AMZ1: variants seen among roughly 807,000 people sequenced by gnomAD.
The protein encoded by AMZ1 is archaemetzincin-1.
AMZ1 carries 39 observed loss-of-function variants against 29.9 expected under a neutral mutation model. That is an observed-to-expected ratio of 1.30 (90% CI 1.01 to 1.70). The LOEUF (loss-of-function observed/expected upper bound fraction) is 1.70, where lower values mean the gene tolerates loss of function less well. AMZ1 is among the 40% of genes most tolerant of loss of function. AMZ1 has a pLI of 0.00. For synonymous variants in AMZ1, 458 were observed against 304.0 expected (o/e 1.51, Z -5.27); for missense variants, 1,041 against 680.6 (o/e 1.53, Z -5.89).
In AMZ1 at chr7:2,698,129, G is replaced by C. The variant is rs117766461; in HGVS notation, c.-218-2105G>C. ...GGAGTTAGTGGGCCAGGCGTGGTAC[G>C]TATGCCCATGTTGCCACTACTCAGG... On this transcript the variant is annotated intron_variant, in intron 1 of 6. Transcript: ENST00000683327. Among the ~76,000 whole-genome samples the C allele has an allele frequency of 5.5e-4, 84 of 152,292 alleles. No homozygotes were observed. The East Asian group carries it at 0.013, about 24-fold the overall frequency.
upstream of AMZ1, among the ~76,000 whole-genome samples, chr7:2,761,102 G>A (rs142881495): frequency 1.4e-3 from 216 of 152,342 alleles, 1 homozygote; most frequent in African/African-American, 5.0e-3. Context: ...TTTCCTACAC[G>A]TCTGGCTCTC....
At chr7:2,692,214 C>T (rs894144042) in intron 1 of AMZ1, among the ~76,000 whole-genome samples, 1 of 152,184 alleles carries the variant, frequency 6.6e-6, no homozygotes, top group African/African-American at 2.4e-5. Context: ...GGACCACACC[C>T]ATCTCACAGG....
intron 1 of AMZ1, among the ~76,000 whole-genome samples, chr7:2,696,846 A>G (rs1462844671): frequency 3.3e-5 from 5 of 152,132 alleles, no homozygotes; most frequent in African/African-American, 1.2e-4. Flanking sequence ...AGATCGTGCT[A>G]CTGCACTCCA....
At chr7:2,684,819 G>A (rs1158396521), upstream of AMZ1, among the ~76,000 whole-genome samples, 1 of 152,034 alleles carries the variant, frequency 6.6e-6, no homozygotes, top group Non-Finnish European at 1.5e-5. Context: ...AGTCTCCCGG[G>A]CTGACCCAAC....
chr7:2,757,597 C>T (rs537898237), intron 4 of AMZ1, among the ~76,000 whole-genome samples: 8 of 152,170 alleles, frequency 5.3e-5, no homozygotes, highest in Non-Finnish European at 1.2e-4. Flanking sequence ...GAGCACGTGG[C>T]GAACTCTGGA....
At chr7:2,741,067 A>G (rs998702782) in intron 4 of AMZ1, among the ~76,000 whole-genome samples, 80 of 152,148 alleles carry the variant, frequency 5.3e-4, no homozygotes, top group Middle Eastern at 6.8e-3. Flanking sequence ...CAAACAAACA[A>G]ACAAATAATC....
At chr7:2,693,744 A>G (rs1399316553) in intron 1 of AMZ1, among the ~76,000 whole-genome samples, 1 of 152,042 alleles carries the variant, frequency 6.6e-6, no homozygotes, top group African/African-American at 2.4e-5. Flanking sequence ...TTTAGTAGAG[A>G]CAGGGTTTCA....
chr7:2,707,814 A>T (rs992337377), intron 3 of AMZ1, among the ~76,000 whole-genome samples: 10 of 116,056 alleles, frequency 8.6e-5, no homozygotes, highest in South Asian at 3.0e-4. Context: ...GCCTCTAACG[A>T]GGGCTTTTTT....
At chr7:2,702,391 T>C in intron 2 of AMZ1, 1 of 308,722 alleles carries the variant, frequency 3.2e-6, no homozygotes, top group Non-Finnish European at 5.9e-6. Flanking sequence ...CGGCTCTGTG[T>C]GCTGCCTGCT....
At chr7:2,712,222 G>A in intron 6 of AMZ1, 108 bp from the exon 7 acceptor site, 1 of 1,217,748 alleles carries the variant, frequency 8.2e-7, no homozygotes, top group Non-Finnish European at 1.1e-6. Context: ...CCCGCCCCTG[G>A]GTAACTGAGG....
At position 2,718,392 on chromosome 7, in the gene AMZ1, C is replaced by A. The variant is rs1015659393; in HGVS notation, c.*5514C>A. 6.6e-6 allele frequency among the ~76,000 whole-genome samples: 1 copy of A among 152,200 alleles called. No individual in the cohort carries two copies. The highest frequency in any genetic ancestry group is 1.5e-5 in the Non-Finnish European group (1 of 68,032). ...AACACGTCTTTCTCGAGTCCAAGAC[C>A]ATCTCCCGTTCAAGGGCCCTCACCG... On this transcript the variant is annotated 3_prime_UTR_variant, in exon 7 of 7. Coordinates refer to ENST00000683327, the MANE Select transcript of AMZ1 (RefSeq NM_001384743.1).
intron 4 of AMZ1, among the ~76,000 whole-genome samples, chr7:2,743,197 C>A (rs1241297464): frequency 2.6e-5 from 4 of 152,308 alleles, no homozygotes; most frequent in East Asian, 1.9e-4. Context: ...TGGGGGCAAA[C>A]TGAAAGGGGT....
intron 6 of AMZ1, among the ~76,000 whole-genome samples, chr7:2,711,708 C>T (rs893722647): frequency 6.6e-6 from 1 of 152,128 alleles, no homozygotes; most frequent in Non-Finnish European, 1.5e-5. Context: ...CGTGAGCCAC[C>T]ATGCCCACAC....
chr7:2,715,526 CTGTGATG>C lies in AMZ1; in HGVS notation c.*2653_*2659del, dbSNP rs1435883434. ...TGTACCCGTGTCCTTTGACCCTCAG[CTGTGATG>C]TGTGTCCCAAAAAAGCGTTTTGAAG... On this transcript the variant is annotated 3_prime_UTR_variant, in exon 7 of 7. Coordinates refer to ENST00000683327, the MANE Select transcript of AMZ1 (RefSeq NM_001384743.1). 2 of 152,188 alleles carry C rather than the reference CTGTGATG, an allele frequency of 1.3e-5. No individual in the cohort carries two copies. The highest frequency in any genetic ancestry group is 2.9e-5 in the Non-Finnish European group (2 of 68,044). The allele number at this position is 152,188 out of a possible 1,614,324, so 9.4% of individuals were successfully genotyped here.
chr7:2,731,557 T>C lies in AMZ1; in HGVS notation n.550+21741T>C. 6.2e-7 allele frequency: 1 copy of C among 1,611,130 alleles called. No homozygotes were observed. The highest frequency in any genetic ancestry group is 8.5e-7 in the Non-Finnish European group (1 of 1,177,788). On this transcript the variant is annotated intron_variant and non_coding_transcript_variant, in intron 4 of 4. Coordinates refer to the AMZ1 transcript ENST00000489665. The surrounding 1 kb of genome is among the most constrained non-coding windows in gnomAD (Gnocchi z 6.0). ...CCTGTCCTCCATGAGGACCTGGTCG[T>C]ACTCGCTGGAGGAGACCATGAACAG... is the stretch of plus-strand genomic sequence containing the variant.
rs200712714 is a variant in AMZ1, at chr7:2,709,696, C to T, written c.828C>T (p.Arg276=). 2 of 1,610,984 alleles carry T rather than the reference C, an allele frequency of 1.2e-6. No homozygotes were observed. Among genetic ancestry groups the T allele is most frequent in the Non-Finnish European group, 1.7e-6 (2 of 1,179,788 alleles). ...LLGLGNCRWL[R]CLMQGALSLD... ...GCCTGGGGAACTGCCGCTGGCTCCG[C>T]TGCCTCATGCAGGGTGCGCTCAGCC... is the stretch of plus-strand genomic sequence containing the variant. Residue 276 remains arginine, a synonymous_variant, in exon 6 of 7, where the codon CGC becomes CGT. Coordinates refer to ENST00000683327, the MANE Select transcript of AMZ1 (RefSeq NM_001384743.1).
At chr7:2,685,539 AAC>A (rs1367000307), upstream of AMZ1, among the ~76,000 whole-genome samples, 16 of 139,846 alleles carry the variant, frequency 1.1e-4, no homozygotes, top group Non-Finnish European at 1.7e-4. Flanking sequence ...AGCTCTGGGC[AAC>A]AGAGTGAGAC....
At chr7:2,739,525 GT>G (rs1790391954) in intron 4 of AMZ1, among the ~76,000 whole-genome samples, 1 of 152,132 alleles carries the variant, frequency 6.6e-6, no homozygotes, top group Admixed American at 6.5e-5. Context: ...TATGTGGTTT[GT>G]TTTTCCATTT....
intron 4 of AMZ1, among the ~76,000 whole-genome samples, chr7:2,756,126 G>T (rs1791281174): frequency 6.6e-6 from 1 of 152,168 alleles, no homozygotes; most frequent in Non-Finnish European, 1.5e-5. Context: ...ATAGAAATGA[G>T]AGTGCAGAAA....
Sources: allele counts gnomAD v4.1 joint callset (sites outside exome capture counted in the v4.1 genomes callset), GRCh38; gene constraint gnomAD v4.1.1; non-coding constraint Gnocchi (gnomAD v3.1); transcripts MANE v1.5; gene names NCBI Gene and HGNC (gene_info 2026-07-23, HGNC 2026-07-21).